Variants in PVT1 observed in about 807,000 individuals in gnomAD.
The protein encoded by PVT1 is Pvt1 oncogene.
At chr8:128,099,268 T>G (rs529660206) in intron 6 of PVT1, 1 of 152,078 alleles carries the variant, frequency 6.6e-6, no homozygotes, top group Non-Finnish European at 1.5e-5. Context: ...CTTTCAGGAG[T>G]GCTTTGGAAT....
intron 3 of PVT1, among the ~76,000 whole-genome samples, chr8:127,914,658 TTCTAGGTGACAG>T (rs1815958831): frequency 6.6e-6 from 1 of 152,148 alleles, no homozygotes; most frequent in Admixed American, 6.5e-5. Flanking sequence ...AAAAATGCTG[TTCTAGGTGACAG>T]AAGCTAGGCA....
intron 3 of PVT1, among the ~76,000 whole-genome samples, chr8:127,963,396 G>A (rs140003656): frequency 1.0e-3 from 159 of 152,246 alleles, no homozygotes; most frequent in African/African-American, 3.7e-3. Flanking sequence ...TGGTGCATGG[G>A]TGAGTGTGGT....
At chr8:128,075,655 C>A (rs940745680) in intron 5 of PVT1, among the ~76,000 whole-genome samples, 1 of 152,164 alleles carries the variant, frequency 6.6e-6, no homozygotes. Context: ...TACGCATGCA[C>A]ATATACACAC....
chr8:128,031,644 C>T (rs537144951), intron 4 of PVT1, among the ~76,000 whole-genome samples: 1 of 152,320 alleles, frequency 6.6e-6, no homozygotes, highest in Admixed American at 6.5e-5. Context: ...ATAACAGTGA[C>T]AGTAGTAATA....
intron 3 of PVT1, among the ~76,000 whole-genome samples, chr8:127,926,014 G>C (rs1816125578): frequency 6.6e-6 from 1 of 152,166 alleles, no homozygotes; most frequent in Non-Finnish European, 1.5e-5. Flanking sequence ...TTTGATTTCA[G>C]ATGTCAGCTC....
chr8:127,798,410 C>T (rs1291253178), intron 2 of PVT1, among the ~76,000 whole-genome samples: 1 of 152,060 alleles, frequency 6.6e-6, no homozygotes, highest in Non-Finnish European at 1.5e-5. Flanking sequence ...GAAAGCTGAA[C>T]ATCTTGCATG....
At chr8:127,800,515 T>C (rs1253793753) in intron 2 of PVT1, among the ~76,000 whole-genome samples, 1 of 152,198 alleles carries the variant, frequency 6.6e-6, no homozygotes, top group Non-Finnish European at 1.5e-5. Context: ...CTCCCACACA[T>C]AGTAGTTACT....
At chr8:128,058,186 T>G (rs1384288835) in intron 4 of PVT1, among the ~76,000 whole-genome samples, 1 of 152,182 alleles carries the variant, frequency 6.6e-6, no homozygotes, top group African/African-American at 2.4e-5. Flanking sequence ...TTGTGATGGA[T>G]CCTTCCTAAG....
chr8:127,998,818 C>CCCTTCCTTCCCTCCTT (rs761730105), intron 4 of PVT1, among the ~76,000 whole-genome samples: 76 of 120,700 alleles, frequency 6.3e-4, no homozygotes, highest in African/African-American at 2.5e-3. Context: ...TCTCCTCCTC[C>CCCTTCCTTCCCTCCTT]CCTTCCTTCC....
chr8:127,931,389 C>T (rs1483591471), intron 3 of PVT1, among the ~76,000 whole-genome samples: 2 of 152,228 alleles, frequency 1.3e-5, no homozygotes, highest in South Asian at 2.1e-4. Flanking sequence ...TTTACTTATT[C>T]CATTTCCTGT....
chr8:127,832,806 T>C (rs546889910), intron 2 of PVT1, among the ~76,000 whole-genome samples: 66 of 151,728 alleles, frequency 4.3e-4, no homozygotes, highest in African/African-American at 1.4e-3. Flanking sequence ...TGCAGTGAGC[T>C]GAGATCGCAC....
intron 5 of PVT1, among the ~76,000 whole-genome samples, chr8:128,090,187 T>C (rs1814332932): frequency 6.6e-6 from 1 of 152,206 alleles, no homozygotes. Context: ...AGCAGTTTTC[T>C]ATATTTATGG....
At chr8:127,982,103 G>T (rs1816888578) in intron 3 of PVT1, among the ~76,000 whole-genome samples, 1 of 152,182 alleles carries the variant, frequency 6.6e-6, no homozygotes, top group Non-Finnish European at 1.5e-5. Flanking sequence ...GTGGTTTCTT[G>T]AAATGTAAGA....
intron 3 of PVT1, among the ~76,000 whole-genome samples, chr8:127,928,422 C>T (rs1378572652): frequency 2.6e-5 from 4 of 152,186 alleles, no homozygotes; most frequent in African/African-American, 7.2e-5. Flanking sequence ...TTCCCATTGC[C>T]GTGGTCCCTA....
At chr8:128,024,575 C>T (rs1817472568) in intron 4 of PVT1, among the ~76,000 whole-genome samples, 1 of 152,018 alleles carries the variant, frequency 6.6e-6, no homozygotes, top group Non-Finnish European at 1.5e-5. Flanking sequence ...TGCAGCAAGC[C>T]ATGATTGTGT....
At chr8:127,964,848 A>G (rs1159841005) in intron 3 of PVT1, among the ~76,000 whole-genome samples, 3 of 147,282 alleles carry the variant, frequency 2.0e-5, no homozygotes, top group South Asian at 2.3e-4. Context: ...TATTTTAAGA[A>G]TGGGGTTTTA....
chr8:127,904,860 C>T (rs1429894391), intron 3 of PVT1, among the ~76,000 whole-genome samples: 2 of 152,206 alleles, frequency 1.3e-5, no homozygotes, highest in Non-Finnish European at 2.9e-5. Context: ...TTTCTAGATG[C>T]TGACAGCAGA....
chr8:128,081,118 T>C (rs1274754567), intron 5 of PVT1, among the ~76,000 whole-genome samples: 1 of 152,206 alleles, frequency 6.6e-6, no homozygotes, highest in Non-Finnish European at 1.5e-5. Flanking sequence ...CATAGCTTTA[T>C]AGGAAGTGTT....
Position 127,994,246 on chromosome 8 carries a change from C to T in PVT1, n.912+4955C>T, listed in dbSNP as rs145466137. On this transcript the variant is annotated intron_variant and non_coding_transcript_variant, in intron 4 of 10. Transcript: ENST00000651587. ...TCTCTCTACAGTGCCTCTTGTGGGA[C>T]GGGTTCTGCTGATGGGGGCTGTGTT... Among the ~76,000 whole-genome samples, 1,046 of 152,270 alleles carry T rather than the reference C, an allele frequency of 6.9e-3. 10 individuals are homozygous for T. The highest frequency in any genetic ancestry group is 0.022 in the African/African-American group (934 of 41,552).
Sources: gnomAD v4.1 joint callset for allele counts (sites outside exome capture counted in the v4.1 genomes callset) on GRCh38, gnomAD v4.1.1 for gene constraint, MANE v1.5 for transcripts, NCBI Gene and HGNC (gene_info 2026-07-23, HGNC 2026-07-21) for gene names.